The following WWTR1 variants were observed in gnomAD, a reference collection of about 807,000 sequenced individuals.
WWTR1 encodes the protein WW domain containing transcription regulator 1, also known as WW domain-containing transcription regulator protein 1.
Under a neutral mutation model 40.1 loss-of-function variants are expected in WWTR1, and 13 were observed. The ratio of observed to expected loss-of-function variants is 0.32; its 90% CI spans 0.21 to 0.52. The LOEUF is 0.52. Among genes scored for constraint, WWTR1 ranks in the 20% least tolerant of loss-of-function variants. WWTR1 has a pLI of 0.97. For missense variants in WWTR1, 436 were observed against 523.1 expected, an observed-to-expected ratio of 0.83 and a Z score of 1.63; for synonymous variants, 230 against 210.1, an observed-to-expected ratio of 1.09 and a Z score of -0.82.
intron 1 of WWTR1, among the ~76,000 whole-genome samples, chr3:149,673,825 C>T (rs1214151331): frequency 6.6e-6 from 1 of 152,030 alleles, no homozygotes; most frequent in African/African-American, 2.4e-5. Flanking sequence ...TTCCCCCTCC[C>T]CTATTCCCCA....
chr3:149,616,315 C>T (rs1357864827), intron 2 of WWTR1, among the ~76,000 whole-genome samples: 2 of 152,080 alleles, frequency 1.3e-5, no homozygotes. Flanking sequence ...AAAATTTGAC[C>T]CTATCTTTAA....
chr3:149,654,782 T>C (rs1450344372), intron 2 of WWTR1, among the ~76,000 whole-genome samples: 1 of 152,234 alleles, frequency 6.6e-6, no homozygotes, highest in Non-Finnish European at 1.5e-5. Context: ...ATACTGATCA[T>C]ATACCATACG....
At chr3:149,719,490 A>G (rs1406404777) in intron 4 of WWTR1, among the ~76,000 whole-genome samples, 2 of 152,100 alleles carry the variant, frequency 1.3e-5, no homozygotes, top group African/African-American at 4.8e-5. Flanking sequence ...ACAATATTCT[A>G]TTGTAAGTAT....
chr3:149,577,892 C>T (rs944887823), intron 2 of WWTR1, among the ~76,000 whole-genome samples: 2 of 152,086 alleles, frequency 1.3e-5, no homozygotes, highest in Admixed American at 6.5e-5. Flanking sequence ...GTTTCCTCCT[C>T]TCAAGCCACT....
chr3:149,568,550 A>C (rs11918404), intron 3 of WWTR1, among the ~76,000 whole-genome samples: 17,313 of 110,760 alleles, frequency 0.16, 1,670 homozygotes, highest in African/African-American at 0.25. Flanking sequence ...AAAAAAAAAA[A>C]AAAAAAAAAA....
intron 2 of WWTR1, among the ~76,000 whole-genome samples, chr3:149,583,100 G>C (rs1028424058): frequency 6.6e-6 from 1 of 152,110 alleles, no homozygotes; most frequent in Non-Finnish European, 1.5e-5. Flanking sequence ...TGAGTAGCTA[G>C]GATTATAGGC....
intron 2 of WWTR1, among the ~76,000 whole-genome samples, chr3:149,602,983 A>G (rs1176836457): frequency 6.8e-6 from 1 of 146,058 alleles, no homozygotes; most frequent in Non-Finnish European, 1.5e-5. Flanking sequence ...TTTAAAGCCA[A>G]AGATAAATAA....
chr3:149,713,408 T>G (rs1487300974), intron 5 of WWTR1, among the ~76,000 whole-genome samples: 1 of 152,148 alleles, frequency 6.6e-6, no homozygotes, highest in Non-Finnish European at 1.5e-5. Flanking sequence ...TGAGACGGCG[T>G]CTCGCTCTGT....
At chr3:149,526,188 C>CTTTCCTTCCTCCCTA in intron 5 of WWTR1, 63 bp from the exon 6 acceptor site, 1 of 1,313,746 alleles carries the variant, frequency 7.6e-7, no homozygotes, top group Non-Finnish European at 1.0e-6. Context: ...AAAATTAAAA[C>CTTTCCTTCCTCCCTA]ACAGTCACAA....
intron 2 of WWTR1, among the ~76,000 whole-genome samples, chr3:149,620,450 T>C (rs1437461548): frequency 6.6e-6 from 1 of 152,092 alleles, no homozygotes; most frequent in Non-Finnish European, 1.5e-5. Flanking sequence ...TTGACAAGTC[T>C]TGATGAAGGA....
Position 149,606,785 on chromosome 3 carries a change from G to A in WWTR1, c.432-33785C>T, listed in dbSNP as rs75690691. 3.0e-4 allele frequency among the ~76,000 whole-genome samples: 45 copies of A among 152,306 alleles called. No homozygotes were observed. In the East Asian group the frequency reaches 7.5e-3, roughly 25 times the overall value. On this transcript the variant is annotated intron_variant, in intron 2 of 6. Transcript: ENST00000360632. ...AACTCAGGGAAAGCTTCCATAAAGA[G>A]AAGACCTTTCAAGTTGAGACTTACC...
intron 2 of WWTR1, among the ~76,000 whole-genome samples, chr3:149,585,121 C>CGTGTGTGTGTGTGT (rs61655468): frequency 0.072 from 10,458 of 144,282 alleles, 522 homozygotes; most frequent in East Asian, 0.21. Flanking sequence ...TGATTTCTTT[C>CGTGTGTGTGTGTGT]GTGTGTGTGT....
chr3:149,633,849 G>A (rs1007710226), intron 2 of WWTR1, among the ~76,000 whole-genome samples: 3 of 152,134 alleles, frequency 2.0e-5, no homozygotes, highest in Non-Finnish European at 4.4e-5. Flanking sequence ...GAGGCTCGAT[G>A]AGCAGGGTCA....
At chr3:149,609,613 G>A (rs1445492197) in intron 2 of WWTR1, among the ~76,000 whole-genome samples, 2 of 152,212 alleles carry the variant, frequency 1.3e-5, no homozygotes, top group Admixed American at 6.5e-5. Flanking sequence ...CAACAGCAGA[G>A]CTGAAAATTT....
chr3:149,630,331 C>T (rs1436630090), intron 2 of WWTR1, among the ~76,000 whole-genome samples: 2 of 152,084 alleles, frequency 1.3e-5, no homozygotes, highest in African/African-American at 4.8e-5. Context: ...GCTTTGGCCT[C>T]CAGCTCTAGC....
chr3:149,667,273 G>A (rs1311078884), intron 2 of WWTR1, among the ~76,000 whole-genome samples: 1 of 151,996 alleles, frequency 6.6e-6, no homozygotes, highest in Non-Finnish European at 1.5e-5. Context: ...GGGGCCGGGC[G>A]CAGTGGCTCA....
intron 2 of WWTR1, among the ~76,000 whole-genome samples, chr3:149,649,593 G>T (rs988560670): frequency 2.6e-5 from 4 of 152,162 alleles, no homozygotes; most frequent in Non-Finnish European, 5.9e-5. Flanking sequence ...CCAGGAAAGA[G>T]AGCATGCAAG....
chr3:149,537,255 G>A (rs1159926227), intron 4 of WWTR1, among the ~76,000 whole-genome samples: 9 of 152,110 alleles, frequency 5.9e-5, no homozygotes, highest in Non-Finnish European at 7.4e-5. Flanking sequence ...GATTCTAGGC[G>A]CTTTGGAATG....
intron 2 of WWTR1, among the ~76,000 whole-genome samples, chr3:149,592,035 T>C (rs1738749542): frequency 6.6e-6 from 1 of 152,200 alleles, no homozygotes. Flanking sequence ...TCAACCAGAC[T>C]GTGAGGAGAC....
Sources: allele counts gnomAD v4.1 joint callset (sites outside exome capture counted in the v4.1 genomes callset), GRCh38; gene constraint gnomAD v4.1.1; transcripts MANE v1.5; gene names NCBI Gene and HGNC (gene_info 2026-07-23, HGNC 2026-07-21).